Variants in PKD2L1 observed in about 807,000 individuals in gnomAD.
PKD2L1 encodes polycystin-2-like protein 1.
In PKD2L1, 77 loss-of-function variants were observed where a neutral mutation model predicts 93.0. The ratio of observed to expected loss-of-function variants is 0.83; its 90% CI spans 0.69 to 1.00. PKD2L1 has a LOEUF of 1.00. PKD2L1 is among the 50% of genes least tolerant of loss of function. The pLI is 0.00. For missense variants in PKD2L1, 977 were observed against 990.9 expected (o/e 0.99, Z 0.19); for synonymous variants, 390 against 388.0 (o/e 1.01, Z -0.06).
At chr10:100,329,820 A>C in intron 1 of PKD2L1, 49 bp downstream of exon 1, 1 of 1,311,788 alleles carries the variant, frequency 7.6e-7, no homozygotes, top group Non-Finnish European at 1.1e-6. Flanking sequence ...GCTTTTGGTG[A>C]CTCCTCCTGA....
chr10:100,318,422 T>C (rs1240538103), intron 2 of PKD2L1, among the ~76,000 whole-genome samples: 10 of 152,184 alleles, frequency 6.6e-5, no homozygotes, highest in Admixed American at 5.9e-4. Context: ...TCACGCCTTG[T>C]AATACGAGTT....
In PKD2L1 at chr10:100,330,093, A is replaced by G. The variant is rs774764825; in HGVS notation, c.11T>C (p.Val4Ala). Residue 4 changes from valine to alanine, a missense_variant, in exon 1 of 16, where the codon GTG (valine) becomes GCG (alanine). By Grantham distance (64) the Val-to-Ala change is moderately conservative. Coordinates refer to ENST00000318222, the MANE Select transcript of PKD2L1 (RefSeq NM_016112.3). ...CAGCTCCTGCCCCTCAGGACTTCCC[A>G]CAGCATTCATGGGGAATGAGGTGGG... Reference protein sequence around the residue: MNAVGSPEGQELQK... With the variant: MNAAGSPEGQELQK... The G allele has an allele frequency of 3.8e-6, 6 of 1,578,882 alleles. No individual in the cohort carries two copies. Among genetic ancestry groups the G allele is most frequent in the Non-Finnish European group, 3.5e-6 (4 of 1,159,412 alleles).
chr10:100,289,539 C>CAAA (rs760281202), intron 14 of PKD2L1, among the ~76,000 whole-genome samples: 2 of 151,712 alleles, frequency 1.3e-5, no homozygotes, highest in Non-Finnish European at 2.9e-5. Flanking sequence ...AATTCCATCT[C>CAAA]AAATAATAAT....
intron 3 of PKD2L1, 100 bp downstream of exon 3, chr10:100,299,491 C>T: frequency 8.9e-7 from 1 of 1,122,424 alleles, no homozygotes; most frequent in East Asian, 2.4e-5. Context: ...TGATCCCTGA[C>T]TGATTTGATT....
chr10:100,318,225 C>T (rs1849144940), intron 2 of PKD2L1, among the ~76,000 whole-genome samples: 1 of 152,178 alleles, frequency 6.6e-6, no homozygotes, highest in African/African-American at 2.4e-5. Context: ...TGTCAATATC[C>T]TTATAATCCC....
intron 11 of PKD2L1, 48 bp downstream of exon 11, chr10:100,292,900 G>A (rs1242933385): frequency 4.4e-6 from 7 of 1,586,200 alleles, no homozygotes; most frequent in East Asian, 2.2e-5. Context: ...TGAGGGTTGA[G>A]GACTTAAGAG....
chr10:100,290,141 G>T lies in PKD2L1; in HGVS notation c.2127-3C>A, dbSNP rs142195598. On this transcript the variant is annotated splice_polypyrimidine_tract_variant and splice_region_variant and intron_variant, in intron 13 of 15. Transcript: ENST00000318222. Reference sequence around the variant, plus strand: ...GCTGCAGAACTCTCCTTGTGAGCCTGTGTGGGATTTGAGAGAGACGAATGG... The same window carrying T: ...GCTGCAGAACTCTCCTTGTGAGCCTTTGTGGGATTTGAGAGAGACGAATGG... 1.2e-6 allele frequency: 2 copies of T among 1,613,944 alleles called. No individual in the cohort carries two copies. Among genetic ancestry groups the T allele is most frequent in the Admixed American group, 1.7e-5 (1 of 60,006 alleles).
chr10:100,301,105 T>G (rs1475533259), intron 2 of PKD2L1, among the ~76,000 whole-genome samples: 4 of 152,016 alleles, frequency 2.6e-5, no homozygotes, highest in Admixed American at 6.5e-5. Flanking sequence ...AACCAGCAAG[T>G]TTTTATTAGC....
intron 2 of PKD2L1, among the ~76,000 whole-genome samples, chr10:100,310,910 ATTTCATGTTGCCCAGG>A (rs1485455924): frequency 6.6e-6 from 1 of 151,998 alleles, no homozygotes; most frequent in Non-Finnish European, 1.5e-5. Context: ...AGGGTTTCAC[ATTTCATGTTGCCCAGG>A]TTTCACGTTG....
intron 2 of PKD2L1, among the ~76,000 whole-genome samples, chr10:100,317,732 C>T (rs1274638300): frequency 6.6e-6 from 1 of 152,092 alleles, no homozygotes; most frequent in Non-Finnish European, 1.5e-5. Context: ...GAGAGAACCT[C>T]ACAACCTGAA....
At chr10:100,328,134 C>G (rs1473660503) in intron 2 of PKD2L1, among the ~76,000 whole-genome samples, 2 of 152,192 alleles carry the variant, frequency 1.3e-5, no homozygotes, top group African/African-American at 4.8e-5. Flanking sequence ...TTAAACTAGG[C>G]AAACATCACT....
At position 100,288,528 on chromosome 10, in the gene PKD2L1, T is replaced by A. The variant is rs201921608; in HGVS notation, c.2336-50A>T. 6.8e-4 allele frequency: 739 copies of A among 1,084,348 alleles called. 5 individuals are homozygous for A. In the African/African-American group the frequency reaches 0.01, roughly 15 times the overall value. The allele number at this position is 1,084,348 out of a possible 1,614,324, so 67.2% of individuals were successfully genotyped here. A position where few individuals can be genotyped will look rare whatever the true frequency, so the allele number is the denominator to read the frequency against. On this transcript the variant is annotated intron_variant, in intron 15 of 15. Transcript: ENST00000318222. ...TGGGTGCTAGCAACAAATCTTGGGA[T>A]GCACAAAGGATAAGAATAGGATTCA...
intron 2 of PKD2L1, among the ~76,000 whole-genome samples, chr10:100,326,796 T>C (rs1038367924): frequency 3.3e-5 from 5 of 152,178 alleles, no homozygotes; most frequent in Non-Finnish European, 5.9e-5. Flanking sequence ...CCTCAGATGG[T>C]GAATGGCAGT....
Position 100,318,915 on chromosome 10 carries a change from G to A in PKD2L1, c.349+10296C>T, listed in dbSNP as rs80190797. 7.0e-4 allele frequency among the ~76,000 whole-genome samples: 105 copies of A among 149,874 alleles called. 1 individual carries two copies. The East Asian group carries it at 0.017, about 24-fold the overall frequency. ...AGGCTGAGTACAGTGGCGTGATCTC[G>A]GCTCACTGCAACCTCCACCTCTGGG... On this transcript the variant is annotated intron_variant, in intron 2 of 15. Transcript: ENST00000318222.
At chr10:100,289,470 C>T (rs908151575) in intron 14 of PKD2L1, among the ~76,000 whole-genome samples, 2 of 152,148 alleles carry the variant, frequency 1.3e-5, no homozygotes, top group South Asian at 4.2e-4. Context: ...ACTCAGGAGG[C>T]GGAGGTTGCA....
At chr10:100,299,414 T>G (rs2134385045) in intron 3 of PKD2L1, among the ~76,000 whole-genome samples, 177 bp downstream of exon 3, 1 of 152,340 alleles carries the variant, frequency 6.6e-6, no homozygotes, top group Admixed American at 6.5e-5. Context: ...GCTGTATTAA[T>G]CCCTTACCCA....
intron 2 of PKD2L1, among the ~76,000 whole-genome samples, chr10:100,306,580 G>A (rs1405595480): frequency 6.6e-6 from 1 of 151,932 alleles, no homozygotes; most frequent in Admixed American, 6.6e-5. Flanking sequence ...CAACTTAATG[G>A]GTCGGGCGCA....
chr10:100,298,860 C>A (rs766318862), intron 3 of PKD2L1, 45 bp from the exon 4 acceptor site: 12 of 1,574,956 alleles, frequency 7.6e-6, no homozygotes, highest in African/African-American at 4.0e-5. Flanking sequence ...TCCTCCTGAC[C>A]CCCTACCTTT....
chr10:100,310,142 T>C (rs996376270), intron 2 of PKD2L1, among the ~76,000 whole-genome samples: 3 of 152,138 alleles, frequency 2.0e-5, no homozygotes, highest in African/African-American at 7.2e-5. Context: ...AAGACCACCC[T>C]GGGCAACAGG....
Sources: gnomAD v4.1 joint callset for allele counts (sites outside exome capture counted in the v4.1 genomes callset) on GRCh38, gnomAD v4.1.1 for gene constraint, MANE v1.5 for transcripts, NCBI Gene and HGNC (gene_info 2026-07-23, HGNC 2026-07-21) for gene names.